DGKB: variants seen among roughly 807,000 people sequenced by gnomAD.
DGKB encodes the protein diacylglycerol kinase beta.
A neutral mutation model predicts 114.3 loss-of-function variants in DGKB; 67 were observed. The ratio of observed to expected loss-of-function variants is 0.59; its 90% CI spans 0.48 to 0.72. The LOEUF (loss-of-function observed/expected upper bound fraction) is 0.72. Among genes scored for constraint, DGKB ranks in the 30% least tolerant of loss-of-function variants. The pLI is 0.00. For synonymous variants in DGKB, 398 were observed against 323.1 expected, an observed-to-expected ratio of 1.23 and a Z score of -2.49; for missense variants, 907 against 975.2, an observed-to-expected ratio of 0.93 and a Z score of 0.93.
rs569897381 is a variant in DGKB at position 14,701,238 on chromosome 7, A to T, written c.516+443T>A. Among the ~76,000 whole-genome samples the T allele has an allele frequency of 3.3e-5, 5 of 152,344 alleles. No homozygotes were observed. In the East Asian group the frequency reaches 7.7e-4, roughly 23 times the overall value. On this transcript the variant is annotated intron_variant, in intron 7 of 25. Transcript: ENST00000402815. ...ATTTCAGCCGCATATAGGACAAAAG[A>T]TACCATGTAAAACTGGGAAAATAAT...
At chr7:14,823,941 A>C (rs1382420548) in intron 2 of DGKB, among the ~76,000 whole-genome samples, 1 of 152,154 alleles carries the variant, frequency 6.6e-6, no homozygotes, top group African/African-American at 2.4e-5. Flanking sequence ...ATCATTTATA[A>C]AAGAAAGAGG....
chr7:14,426,695 T>C (rs1181552887), intron 21 of DGKB, among the ~76,000 whole-genome samples: 1 of 152,114 alleles, frequency 6.6e-6, no homozygotes, highest in Non-Finnish European at 1.5e-5. Context: ...GAAGCTATTG[T>C]GGGGCCTTCA....
intron 13 of DGKB, among the ~76,000 whole-genome samples, chr7:14,660,735 C>G (rs62443690): frequency 6.6e-6 from 1 of 151,720 alleles, no homozygotes. Flanking sequence ...AAAAAGAGCC[C>G]GCATCGCCAA....
intron 25 of DGKB, among the ~76,000 whole-genome samples, chr7:14,150,039 G>T (rs529811841): frequency 6.6e-6 from 1 of 152,162 alleles, no homozygotes; most frequent in South Asian, 2.1e-4. Flanking sequence ...AAAGCTAATT[G>T]AAAGCAATTA....
intron 13 of DGKB, among the ~76,000 whole-genome samples, chr7:14,650,116 G>A (rs1468337499): frequency 2.0e-5 from 3 of 148,980 alleles, no homozygotes; most frequent in Non-Finnish European, 3.0e-5. Flanking sequence ...GGATACCCAG[G>A]AATTGAACTC....
chr7:14,176,761 A>G (rs1781798503), intron 25 of DGKB, 78 bp downstream of exon 25: 2 of 1,556,374 alleles, frequency 1.3e-6, no homozygotes, highest in Middle Eastern at 1.7e-4. Flanking sequence ...AAAGAAAAAA[A>G]TCAGTTATTG....
chr7:14,712,581 G>A (rs915252118), intron 6 of DGKB, among the ~76,000 whole-genome samples: 1 of 152,062 alleles, frequency 6.6e-6, no homozygotes, highest in South Asian at 2.1e-4. Context: ...TGAGGCAGGA[G>A]AATCACTTGA....
intron 23 of DGKB, among the ~76,000 whole-genome samples, chr7:14,228,403 G>A (rs912424226): frequency 3.3e-5 from 5 of 151,946 alleles, no homozygotes; most frequent in Non-Finnish European, 5.9e-5. Context: ...TTTCTGAAGT[G>A]TCCTATCTAT....
chr7:14,300,361 T>A (rs957250657), intron 23 of DGKB, among the ~76,000 whole-genome samples: 8 of 152,088 alleles, frequency 5.3e-5, no homozygotes, highest in African/African-American at 1.9e-4. Context: ...GCATCATAAA[T>A]ACCGTGTACT....
chr7:14,404,261 T>G lies in DGKB; in HGVS notation c.1836-58870A>C, dbSNP rs544084354. ...TACATATGTCTCGGATATCCCCATT[T>G]AACCTCCTATTCAATTTAGATGCAA... is the stretch of plus-strand genomic sequence containing the variant. On this transcript the variant is annotated intron_variant, in intron 21 of 25. Coordinates refer to ENST00000402815, the MANE Select transcript of DGKB (RefSeq NM_001350709.2). Among the ~76,000 whole-genome samples the G allele has an allele frequency of 5.9e-5, 9 of 151,742 alleles. No individual in the cohort carries two copies. The East Asian group carries it at 1.7e-3, about 29-fold the overall frequency.
At chr7:14,251,407 A>G (rs1795217604) in intron 23 of DGKB, among the ~76,000 whole-genome samples, 1 of 152,112 alleles carries the variant, frequency 6.6e-6, no homozygotes, top group South Asian at 2.1e-4. Context: ...CTTCTCCCAC[A>G]TTTTATGTTA....
chr7:14,914,832 G>A (rs182945149), intron 1 of DGKB, among the ~76,000 whole-genome samples: 145 of 119,928 alleles, frequency 1.2e-3, no homozygotes, highest in African/African-American at 5.2e-3. Context: ...AAAAGGAAAT[G>A]CTAGAAATTA....
chr7:14,857,768 A>G (rs1850400701), intron 1 of DGKB, among the ~76,000 whole-genome samples: 1 of 151,792 alleles, frequency 6.6e-6, no homozygotes, highest in Non-Finnish European at 1.5e-5. Flanking sequence ...TGTTTAAAGC[A>G]TTTTTCAGTT....
At chr7:14,557,494 T>C (rs529137115) in intron 20 of DGKB, among the ~76,000 whole-genome samples, 4 of 152,246 alleles carry the variant, frequency 2.6e-5, no homozygotes, top group African/African-American at 9.6e-5. Flanking sequence ...AGTTGTTTTC[T>C]TTTTGTCAAT....
intron 19 of DGKB, among the ~76,000 whole-genome samples, chr7:14,579,010 G>C (rs1003147823): frequency 2.0e-5 from 3 of 152,116 alleles, no homozygotes; most frequent in Admixed American, 2.0e-4. Flanking sequence ...AACACAGGGA[G>C]CTATTTCTCC....
chr7:14,188,382 C>T (rs182225656), intron 23 of DGKB, among the ~76,000 whole-genome samples: 7 of 120,576 alleles, frequency 5.8e-5, no homozygotes, highest in East Asian at 2.3e-4. Context: ...CCCAATTGGC[C>T]GGGCGCGGTG....
intron 21 of DGKB, among the ~76,000 whole-genome samples, chr7:14,470,272 A>T (rs991856916): frequency 1.3e-5 from 2 of 151,886 alleles, no homozygotes; most frequent in African/African-American, 4.8e-5. Flanking sequence ...AATGACAAAC[A>T]TTTAACTTTT....
intron 25 of DGKB, 109 bp downstream of exon 25, chr7:14,176,730 G>C: frequency 2.0e-6 from 3 of 1,514,974 alleles, no homozygotes; most frequent in Non-Finnish European, 2.7e-6. Context: ...AAGACTATTT[G>C]CTGATAGGTT....
At chr7:14,773,407 G>A (rs190376929) in intron 2 of DGKB, among the ~76,000 whole-genome samples, 5 of 152,092 alleles carry the variant, frequency 3.3e-5, no homozygotes, top group Middle Eastern at 3.4e-3. Context: ...TAATGTGTTC[G>A]ATTCAGATAA....
Sources: gnomAD v4.1 joint callset for allele counts (sites outside exome capture counted in the v4.1 genomes callset) on GRCh38, gnomAD v4.1.1 for gene constraint, MANE v1.5 for transcripts, NCBI Gene and HGNC (gene_info 2026-07-23, HGNC 2026-07-21) for gene names.